NSMCE2: variants seen among roughly 807,000 people sequenced by gnomAD.
The protein encoded by NSMCE2 is E3 SUMO-protein ligase NSE2.
NSMCE2 carries 24 observed loss-of-function variants against 23.8 expected under a neutral mutation model. That is an observed-to-expected ratio of 1.01 (90% CI 0.73 to 1.42). The LOEUF is 1.42. NSMCE2 is among the 40% of genes most tolerant of loss of function. The pLI is 0.00. For missense variants in NSMCE2, 284 were observed against 296.5 expected (o/e 0.96, Z 0.31); for synonymous variants, 92 against 94.1 (o/e 0.98, Z 0.13).
At chr8:125,105,532 G>C (rs528077557) in intron 3 of NSMCE2, among the ~76,000 whole-genome samples, 20 of 151,978 alleles carry the variant, frequency 1.3e-4, no homozygotes, top group African/African-American at 4.3e-4. Context: ...TACAACATGT[G>C]CAATTTAAGA....
At chr8:125,099,703 A>G (rs772684883) in intron 1 of NSMCE2, among the ~76,000 whole-genome samples, 1 of 152,124 alleles carries the variant, frequency 6.6e-6, no homozygotes, top group Non-Finnish European at 1.5e-5. Flanking sequence ...GAGCAGTTGC[A>G]GTGGAGTGAT....
chr8:125,180,050 A>G (rs1303878694), intron 4 of NSMCE2, among the ~76,000 whole-genome samples: 1 of 152,182 alleles, frequency 6.6e-6, no homozygotes, highest in African/African-American at 2.4e-5. Flanking sequence ...GAGCGCCTAT[A>G]ATCCTTTTCT....
intron 5 of NSMCE2, among the ~76,000 whole-genome samples, chr8:125,254,121 T>A (rs1213225957): frequency 6.6e-6 from 1 of 152,226 alleles, no homozygotes; most frequent in Non-Finnish European, 1.5e-5. Context: ...TAATTTGATT[T>A]TCATTGGTAT....
Position 125,319,399 on chromosome 8 carries a change from C to A in NSMCE2, c.419-37820C>A, listed in dbSNP as rs1453592073. On this transcript the variant is annotated intron_variant, in intron 5 of 7. Coordinates refer to ENST00000287437, the MANE Select transcript of NSMCE2 (RefSeq NM_173685.4). ...GGAAAATCAACCCATCAAAACTGAC[C>A]TAGAAATGACACAGATATAAAAATT... Among the ~76,000 whole-genome samples, 3 of 152,034 alleles carry A rather than the reference C, an allele frequency of 2.0e-5. No homozygotes were observed. The East Asian group carries it at 5.8e-4, about 29-fold the overall frequency.
chr8:125,112,450 A>G (rs1818806832), intron 3 of NSMCE2, among the ~76,000 whole-genome samples: 1 of 152,240 alleles, frequency 6.6e-6, no homozygotes, highest in Non-Finnish European at 1.5e-5. Context: ...TATTCACTGC[A>G]ACATTATTCA....
chr8:125,244,189 G>A (rs1014809502), intron 5 of NSMCE2, among the ~76,000 whole-genome samples: 1 of 152,064 alleles, frequency 6.6e-6, no homozygotes, highest in Non-Finnish European at 1.5e-5. Flanking sequence ...AATTAGGCAG[G>A]AGGAAGACAA....
chr8:125,187,088 T>C (rs751132288), intron 5 of NSMCE2, among the ~76,000 whole-genome samples: 3 of 152,218 alleles, frequency 2.0e-5, no homozygotes, highest in Non-Finnish European at 4.4e-5. Context: ...CTAAAAGCTT[T>C]AGATTTAAGT....
Position 125,095,337 on chromosome 8 carries a change from C to G in NSMCE2, c.-111+3379C>G, listed in dbSNP as rs1052023397. ...GATCATGGTGTCTCATGCCTATAAT[C>G]CCAGCACTTGAGAGGCCGAGTTGGG... On this transcript the variant is annotated intron_variant, in intron 1 of 7. Transcript: ENST00000287437. Among the ~76,000 whole-genome samples the G allele has an allele frequency of 2.6e-5, 4 of 152,222 alleles. No individual in the cohort carries two copies. In the South Asian group the frequency reaches 6.2e-4, roughly 24 times the overall value.
chr8:125,158,594 C>G (rs751529087), intron 4 of NSMCE2, among the ~76,000 whole-genome samples: 1 of 152,178 alleles, frequency 6.6e-6, no homozygotes, highest in Non-Finnish European at 1.5e-5. Context: ...GCAGCTAATT[C>G]TTTGAATTAC....
At chr8:125,309,423 A>G (rs1170571498) in intron 5 of NSMCE2, among the ~76,000 whole-genome samples, 2 of 152,048 alleles carry the variant, frequency 1.3e-5, no homozygotes, top group Non-Finnish European at 2.9e-5. Context: ...TCACTTTACC[A>G]TAGAAGTGTT....
chr8:125,197,844 G>A (rs891169625), intron 5 of NSMCE2, among the ~76,000 whole-genome samples: 1 of 152,154 alleles, frequency 6.6e-6, no homozygotes, highest in African/African-American at 2.4e-5. Flanking sequence ...TCTTCCATTT[G>A]TTTTTGTCCT....
At chr8:125,115,236 C>T (rs971140054) in intron 3 of NSMCE2, among the ~76,000 whole-genome samples, 2 of 152,208 alleles carry the variant, frequency 1.3e-5, no homozygotes, top group East Asian at 3.8e-4. Context: ...AAATTAGACC[C>T]TCCCCAACAG....
At chr8:125,340,003 TTTTTTTTTG>T (rs1347480001) in intron 5 of NSMCE2, among the ~76,000 whole-genome samples, 9 of 107,702 alleles carry the variant, frequency 8.4e-5, no homozygotes, top group African/African-American at 2.7e-4. Context: ...GACGTTGTAG[TTTTTTTTTG>T]TTTTTTTTTT....
intron 3 of NSMCE2, among the ~76,000 whole-genome samples, chr8:125,108,686 G>A (rs1161034356): frequency 3.3e-5 from 5 of 152,180 alleles, no homozygotes; most frequent in South Asian, 2.1e-4. Context: ...GAACTTAGAA[G>A]AAGGGCCTGT....
At chr8:125,277,363 A>G (rs7816350) in intron 5 of NSMCE2, among the ~76,000 whole-genome samples, 16,997 of 152,198 alleles carry the variant, frequency 0.11, 1,108 homozygotes, top group South Asian at 0.17. Context: ...CTAGAGGCAC[A>G]ATGACTAAAT....
chr8:125,106,617 G>A (rs535725313), intron 3 of NSMCE2, among the ~76,000 whole-genome samples: 4 of 151,944 alleles, frequency 2.6e-5, no homozygotes, highest in African/African-American at 9.7e-5. Flanking sequence ...CCTGGGAGGC[G>A]GAGGTTGCAG....
chr8:125,289,701 G>A (rs1475721704), intron 5 of NSMCE2, among the ~76,000 whole-genome samples: 4 of 152,166 alleles, frequency 2.6e-5, no homozygotes, highest in South Asian at 2.1e-4. Flanking sequence ...TGGGTGTGCT[G>A]TTACTGAAAC....
At chr8:125,297,842 A>C (rs1481886175) in intron 5 of NSMCE2, among the ~76,000 whole-genome samples, 1 of 151,946 alleles carries the variant, frequency 6.6e-6, no homozygotes, top group East Asian at 1.9e-4. Context: ...TCAAAAAAAA[A>C]ATTATTGATT....
chr8:125,252,200 A>G (rs1826224090), intron 5 of NSMCE2, among the ~76,000 whole-genome samples: 1 of 152,186 alleles, frequency 6.6e-6, no homozygotes, highest in Admixed American at 6.5e-5. Flanking sequence ...CTGGAAAGGG[A>G]TGACAGAAAG....
Sources: gnomAD v4.1 joint callset for allele counts (sites outside exome capture counted in the v4.1 genomes callset) on GRCh38, gnomAD v4.1.1 for gene constraint, MANE v1.5 for transcripts, NCBI Gene and HGNC (gene_info 2026-07-23, HGNC 2026-07-21) for gene names.